Variants in GALNT11 observed in about 807,000 individuals in gnomAD.
GALNT11 encodes polypeptide N-acetylgalactosaminyltransferase 11, also known as UDP-GalNAc:polypeptide N-acetylgalactosaminyltransferase 11.
A neutral mutation model predicts 72.7 loss-of-function variants in GALNT11; 47 were observed. The observed-to-expected ratio is 0.65, with a 90% CI of 0.51 to 0.82. The LOEUF is 0.82. GALNT11 is among the 40% of genes least tolerant of loss of function. The pLI, the probability that GALNT11 is intolerant of heterozygous loss-of-function variation, is 0.00. For synonymous variants in GALNT11, 270 were observed against 286.6 expected (o/e 0.94, Z 0.58); for missense variants, 677 against 778.4 (o/e 0.87, Z 1.55).
chr7:152,091,393 G>A (rs762471942), intron 1 of GALNT11, among the ~76,000 whole-genome samples: 3 of 151,938 alleles, frequency 2.0e-5, no homozygotes, highest in Admixed American at 6.5e-5. Flanking sequence ...GGTGTGCGCC[G>A]CCACGTCCCG....
At chr7:152,059,797 G>A (rs141154794) in intron 1 of GALNT11, among the ~76,000 whole-genome samples, 81 of 152,284 alleles carry the variant, frequency 5.3e-4, no homozygotes, top group African/African-American at 1.6e-3. Flanking sequence ...TAGAGCACAG[G>A]CAGAGTAGAT....
At chr7:152,106,895 T>G (rs2087619931) in intron 5 of GALNT11, among the ~76,000 whole-genome samples, 1 of 152,208 alleles carries the variant, frequency 6.6e-6, no homozygotes, top group Non-Finnish European at 1.5e-5. Flanking sequence ...CATTTTCTCC[T>G]CGAAGCAATT....
At chr7:152,096,879 G>A (rs1053616288) in intron 2 of GALNT11, among the ~76,000 whole-genome samples, 1 of 152,084 alleles carries the variant, frequency 6.6e-6, no homozygotes. Flanking sequence ...CTGCGGTGGA[G>A]GGCAGTGGCA....
At chr7:152,087,699 A>G (rs2085737820) in intron 1 of GALNT11, among the ~76,000 whole-genome samples, 1 of 152,252 alleles carries the variant, frequency 6.6e-6, no homozygotes, top group African/African-American at 2.4e-5. Context: ...ACATTAAACA[A>G]GAAAACAAAC....
At position 152,025,844 on chromosome 7, in the gene GALNT11, C is replaced by G. The variant is rs1414221370; in HGVS notation, c.-79C>G. ...TGGCGGGAGAGAAGATGCCGCAGCCCGAGTCCCAGAAGGCGGCGATCCTGG... is the reference window on the plus strand; with the variant it reads ...TGGCGGGAGAGAAGATGCCGCAGCCGGAGTCCCAGAAGGCGGCGATCCTGG... On this transcript the variant is annotated 5_prime_UTR_variant, in exon 1 of 12. Coordinates refer to ENST00000430044, the MANE Select transcript of GALNT11 (RefSeq NM_022087.4). The G allele has an allele frequency of 7.0e-6, 2 of 286,682 alleles. No homozygotes were observed. Among genetic ancestry groups the G allele is most frequent in the African/African-American group, 2.2e-5 (1 of 44,558 alleles). 17.8% of individuals were successfully genotyped at this position (286,682 alleles called of 1,614,324 possible).
chr7:152,101,441 G>C (rs2086877708), intron 3 of GALNT11, among the ~76,000 whole-genome samples: 1 of 152,184 alleles, frequency 6.6e-6, no homozygotes, highest in Admixed American at 6.5e-5. Context: ...AGTCTAGCAG[G>C]GGAGGCAAAT....
At chr7:152,026,896 T>C (rs531471666) in intron 1 of GALNT11, among the ~76,000 whole-genome samples, 16 of 152,348 alleles carry the variant, frequency 1.1e-4, no homozygotes, top group Admixed American at 3.3e-4. Context: ...TCTCAGGATC[T>C]CTTGAGGGCA....
At chr7:152,113,712 C>CTTTTTTTTTTTTTTTTTTTTTTTT (rs6150397) in intron 8 of GALNT11, among the ~76,000 whole-genome samples, 1 of 97,024 alleles carries the variant, frequency 1.0e-5, no homozygotes, top group Non-Finnish European at 2.0e-5. Context: ...AGTTGGCTTT[C>CTTTTTTTTTTTTTTTTTTTTTTTT]TTTTTTTTTT....
chr7:152,033,895 G>T (rs920403288), intron 1 of GALNT11, among the ~76,000 whole-genome samples: 4 of 152,148 alleles, frequency 2.6e-5, no homozygotes, highest in African/African-American at 7.2e-5. Context: ...AGCTAAAGCC[G>T]CATTCTTTTC....
chr7:152,039,509 A>G (rs2082745121), intron 1 of GALNT11, among the ~76,000 whole-genome samples: 1 of 152,110 alleles, frequency 6.6e-6, no homozygotes, highest in South Asian at 2.1e-4. Context: ...TAAATTATTC[A>G]TTGTGACTGG....
At chr7:152,050,270 A>G (rs1047859440) in intron 1 of GALNT11, among the ~76,000 whole-genome samples, 1 of 152,140 alleles carries the variant, frequency 6.6e-6, no homozygotes, top group Non-Finnish European at 1.5e-5. Flanking sequence ...CATGATGAGT[A>G]TGGCCTGGTT....
chr7:152,058,392 T>C (rs1221581728), intron 1 of GALNT11, among the ~76,000 whole-genome samples: 1 of 152,142 alleles, frequency 6.6e-6, no homozygotes, highest in Non-Finnish European at 1.5e-5. Context: ...TTGCCCAGGT[T>C]GGTGCCATCT....
In GALNT11 at chr7:152,100,885, G is replaced by T; in HGVS notation, c.383G>T (p.Gly128Val). The change falls in exon 3 of 12, where the codon GGC becomes GTC. Residue 128 changes from glycine (G) to valine (V), a missense_variant. By Grantham distance (109) the Gly-to-Val change is moderately radical (BLOSUM62 -3). Transcript: ENST00000430044. The part of the protein sequence containing the change: ...AFNMLISDRL[G>V]YHRDVPDTRN... The stretch of plus-strand genomic sequence containing the variant: ...AATATGCTTATCAGTGACCGCTTGG[G>T]CTACCACAGAGATGTGCCAGACACA... 2.5e-6 allele frequency: 4 copies of T among 1,613,994 alleles called. No homozygotes were observed. Among genetic ancestry groups the T allele is most frequent in the Non-Finnish European group, 3.4e-6 (4 of 1,179,962 alleles).
chr7:152,121,459 T>C (rs1470998764), intron 11 of GALNT11, 87 bp from the exon 12 acceptor site: 1 of 1,506,984 alleles, frequency 6.6e-7, no homozygotes, highest in East Asian at 2.3e-5. Flanking sequence ...TCCCTTAATC[T>C]GAATTCTTAA....
intron 1 of GALNT11, among the ~76,000 whole-genome samples, chr7:152,030,295 T>C (rs1219314219): frequency 6.6e-6 from 1 of 152,136 alleles, no homozygotes; most frequent in African/African-American, 2.4e-5. Flanking sequence ...CAAGGAGCCC[T>C]CTGGTGGCCC....
chr7:152,078,192 AG>A (rs1015834852), intron 1 of GALNT11, among the ~76,000 whole-genome samples: 1 of 152,062 alleles, frequency 6.6e-6, no homozygotes, highest in African/African-American at 2.4e-5. Flanking sequence ...GAGAAGAGGG[AG>A]GGGGGTAGAA....
chr7:152,063,405 A>G, intron 1 of GALNT11, among the ~76,000 whole-genome samples: 1 of 152,146 alleles, frequency 6.6e-6, no homozygotes, highest in Admixed American at 6.5e-5. Context: ...ATCTTTTCAA[A>G]AAACCAGCTC....
chr7:152,056,539 C>T (rs2083687937), intron 1 of GALNT11, among the ~76,000 whole-genome samples: 1 of 152,052 alleles, frequency 6.6e-6, no homozygotes, highest in Admixed American at 6.5e-5. Flanking sequence ...GTCTACACAC[C>T]CTTCTACACA....
chr7:152,030,492 C>T (rs1353174834), intron 1 of GALNT11, among the ~76,000 whole-genome samples: 2 of 152,194 alleles, frequency 1.3e-5, no homozygotes, highest in African/African-American at 2.4e-5. Flanking sequence ...ATAATCATCT[C>T]TATGATCTAT....
Sources: allele counts gnomAD v4.1 joint callset (sites outside exome capture counted in the v4.1 genomes callset), GRCh38; gene constraint gnomAD v4.1.1; transcripts MANE v1.5; gene names NCBI Gene and HGNC (gene_info 2026-07-23, HGNC 2026-07-21).